The following ITGA4 variants were observed in gnomAD, a reference collection of about 807,000 sequenced individuals.
ITGA4 encodes integrin alpha-4.
Under a neutral mutation model 133.6 loss-of-function variants are expected in ITGA4, and 63 were observed. The ratio of observed to expected loss-of-function variants is 0.47; its 90% confidence interval spans 0.38 to 0.58. ITGA4 has a LOEUF of 0.58. Among genes scored for constraint, ITGA4 ranks in the 20% least tolerant of loss-of-function variants. ITGA4 has a pLI of 0.00. For missense variants in ITGA4, 1,076 were observed against 1,252.7 expected (o/e 0.86, Z 2.13); for synonymous variants, 483 against 438.0 (o/e 1.10, Z -1.28).
At chr2:181,524,131 A>C (rs199523575) in intron 19 of ITGA4, 40 bp from the exon 20 acceptor site, 1 of 1,318,014 alleles carries the variant, frequency 7.6e-7, no homozygotes, top group Non-Finnish European at 1.1e-6. Flanking sequence ...AATGTACTTA[A>C]GATTTTTTTT....
intron 2 of ITGA4, among the ~76,000 whole-genome samples, chr2:181,462,023 T>C (rs1685293244): frequency 1.3e-5 from 2 of 151,950 alleles, no homozygotes; most frequent in African/African-American, 4.8e-5. Flanking sequence ...TTAAATAAAA[T>C]TAATTTTATT....
chr2:181,518,627 G>T (rs1443685567), intron 17 of ITGA4, among the ~76,000 whole-genome samples: 1 of 151,842 alleles, frequency 6.6e-6, no homozygotes, highest in African/African-American at 2.4e-5. Flanking sequence ...TTGAGTTTTT[G>T]TGGGACAGAG....
chr2:181,494,629 T>C (rs1049636889), intron 11 of ITGA4, 93 bp from the exon 12 acceptor site: 11 of 754,612 alleles, frequency 1.5e-5, no homozygotes, highest in Admixed American at 3.7e-5. Flanking sequence ...TGCCAAGGCA[T>C]GCCTGGGAAA....
At chr2:181,471,482 GTGAT>G (rs1685549972) in intron 2 of ITGA4, among the ~76,000 whole-genome samples, 2 of 152,186 alleles carry the variant, frequency 1.3e-5, no homozygotes, top group South Asian at 4.1e-4. Flanking sequence ...TTTCCTCTGA[GTGAT>G]CGCATCCTGT....
chr2:181,522,920 A>G (rs1413123821), intron 18 of ITGA4, among the ~76,000 whole-genome samples: 3 of 152,188 alleles, frequency 2.0e-5, no homozygotes, highest in East Asian at 1.9e-4. Context: ...ACTTATTGCA[A>G]TTATAACCTC....
intron 20 of ITGA4, 91 bp downstream of exon 20, chr2:181,524,341 A>T: frequency 1.4e-6 from 1 of 704,270 alleles, no homozygotes; most frequent in Non-Finnish European, 2.3e-6. Flanking sequence ...GTGTTCCATT[A>T]ATTGTAAGAG....
chr2:181,508,732 A>G (rs186724179), intron 15 of ITGA4, among the ~76,000 whole-genome samples: 17 of 152,156 alleles, frequency 1.1e-4, no homozygotes, highest in Non-Finnish European at 2.1e-4. Context: ...TAAAAACTTT[A>G]ACAACTAATA....
At chr2:181,486,369 A>G in intron 10 of ITGA4, 1 of 174,358 alleles carries the variant, frequency 5.7e-6, no homozygotes, top group Non-Finnish European at 1.2e-5. Context: ...GTTATCATAG[A>G]CTCATTGGAC....
chr2:181,521,703 A>G (rs1269859498), intron 17 of ITGA4, among the ~76,000 whole-genome samples: 1 of 152,182 alleles, frequency 6.6e-6, no homozygotes, highest in Non-Finnish European at 1.5e-5. Flanking sequence ...GTGGGTGGAC[A>G]TAGTAGTTCT....
At chr2:181,471,295 G>GAACAA (rs1685544575) in intron 2 of ITGA4, among the ~76,000 whole-genome samples, 2 of 152,034 alleles carry the variant, frequency 1.3e-5, no homozygotes, top group African/African-American at 4.8e-5. Flanking sequence ...ACCCATTTCT[G>GAACAA]GGCTGTTTGT....
Position 181,482,566 on chromosome 2 carries a change from G to C in ITGA4, c.956G>C (p.Gly319Ala). The C allele has an allele frequency of 6.2e-7, 1 of 1,613,772 alleles. No homozygotes were observed. Among genetic ancestry groups the C allele is most frequent in the East Asian group, 2.2e-5 (1 of 44,870 alleles). The change falls in exon 9 of 28, where the codon GGC becomes GCC. Residue 319 changes from glycine (G) to alanine (A), a missense_variant. By Grantham distance (60) the Gly-to-Ala change is moderately conservative (BLOSUM62 0). Coordinates refer to ENST00000397033, the MANE Select transcript of ITGA4 (RefSeq NM_000885.6). ...TGTGCTGTGGACCTCAATGCAGATGGCTTCTCAGATCTGCTCGTGGGAGCA... is the reference window on the plus strand; with the variant it reads ...TGTGCTGTGGACCTCAATGCAGATGCCTTCTCAGATCTGCTCGTGGGAGCA... ...SVCAVDLNAD[G>A]FSDLLVGAPM...
intron 7 of ITGA4, among the ~76,000 whole-genome samples, chr2:181,482,134 C>G (rs1169930770): frequency 2.0e-5 from 3 of 152,168 alleles, no homozygotes; most frequent in Non-Finnish European, 4.4e-5. Flanking sequence ...GGTGCCCCCT[C>G]TATAGGATCA....
chr2:181,457,519 C>A lies in ITGA4; in HGVS notation c.-136C>A. 1.2e-6 allele frequency: 1 copy of A among 825,908 alleles called. No individual in the cohort carries two copies. The highest frequency in any genetic ancestry group is 1.8e-6 in the Non-Finnish European group (1 of 541,530). The allele number at this position is 825,908 out of a possible 1,614,324, so 51.2% of individuals were successfully genotyped here. A position where few individuals can be genotyped will look rare whatever the true frequency, so the allele number is the denominator to read the frequency against. On this transcript the variant is annotated 5_prime_UTR_variant, in exon 1 of 28. Transcript: ENST00000397033. Reference sequence around the variant, plus strand: ...CGACTTCCCCTCCTCTTCCCTCTCTCCTTCCTTTAGCCCGCTGGCGCCGGA... The same window carrying A: ...CGACTTCCCCTCCTCTTCCCTCTCTACTTCCTTTAGCCCGCTGGCGCCGGA...
intron 21 of ITGA4, among the ~76,000 whole-genome samples, chr2:181,526,572 A>G (rs1469702883): frequency 6.6e-6 from 1 of 152,182 alleles, no homozygotes; most frequent in African/African-American, 2.4e-5. Flanking sequence ...GGGGTTCATT[A>G]TAAGTAGCCA....
At chr2:181,480,028 C>G in intron 5 of ITGA4, 109 bp from the exon 6 acceptor site, 1 of 650,022 alleles carries the variant, frequency 1.5e-6, no homozygotes, top group South Asian at 4.2e-5. Context: ...ATTCCTACTT[C>G]AGGAATTGAT....
In ITGA4 at chr2:181,510,102, TG is replaced by T. The variant is rs1371325979; in HGVS notation, c.1845+298del. On this transcript the variant is annotated intron_variant, in intron 16 of 27. Transcript: ENST00000397033. ...ATATATTACTAGAGAGAAATCATAA[TG>T]GGAGAAGATTGTATTTACAAGTTAG... 5.9e-5 allele frequency among the ~76,000 whole-genome samples: 9 copies of T among 152,216 alleles called. No individual in the cohort carries two copies. In the East Asian group the frequency reaches 1.7e-3, roughly 29 times the overall value.
chr2:181,530,640 G>A lies in ITGA4; in HGVS notation c.2655G>A (p.Lys885=), dbSNP rs1686926095. The A allele has an allele frequency of 6.2e-7, 1 of 1,610,526 alleles. No individual in the cohort carries two copies. Among genetic ancestry groups the A allele is most frequent in the Non-Finnish European group, 8.5e-7 (1 of 1,178,028 alleles). The change falls in exon 24 of 28, where the codon AAG becomes AAA. Residue 885 remains lysine, a synonymous_variant. Transcript: ENST00000397033. ...GIVRFLSKTD[K]RLLYCIKADP... is the part of the protein sequence containing the mutation. ...TCCGGTTCTTGTCCAAGACTGATAA[G>A]AGGCTATTGGTAAGTTTCAGTTTTT...
At chr2:181,468,199 C>T (rs186015374) in intron 2 of ITGA4, among the ~76,000 whole-genome samples, 8 of 152,294 alleles carry the variant, frequency 5.3e-5, no homozygotes, top group Admixed American at 4.6e-4. Context: ...ATCCCACTCA[C>T]AAATCATCCT....
At chr2:181,457,296 G>C (rs1186634383), upstream of ITGA4, 2 of 215,876 alleles carry the variant, frequency 9.3e-6, no homozygotes, top group East Asian at 1.5e-4. Context: ...GTTCCCCAGC[G>C]CCCCCTGCAG....
Sources: gnomAD v4.1 joint callset for allele counts (sites outside exome capture counted in the v4.1 genomes callset) on GRCh38, gnomAD v4.1.1 for gene constraint, MANE v1.5 for transcripts, NCBI Gene and HGNC (gene_info 2026-07-23, HGNC 2026-07-21) for gene names.